The following CRYM variants were observed in gnomAD, a reference collection of about 807,000 sequenced individuals.
CRYM encodes the protein ketimine reductase mu-crystallin.
Under a neutral mutation model 32.9 loss-of-function variants are expected in CRYM, and 18 were observed. The ratio of observed to expected loss-of-function variants is 0.55; its 90% CI spans 0.38 to 0.81. The LOEUF (loss-of-function observed/expected upper bound fraction) is 0.81, where lower values mean the gene tolerates loss of function less well. Among genes scored for constraint, CRYM ranks in the 30% least tolerant of loss-of-function variants. The pLI is 0.00. For missense variants in CRYM, 337 were observed against 393.5 expected, an observed-to-expected ratio of 0.86 and a Z score of 1.21; for synonymous variants, 153 against 152.4, an observed-to-expected ratio of 1.00 and a Z score of -0.03.
intron 6 of CRYM, 89 bp from the exon 7 acceptor site, chr16:21,261,427 G>C (rs2093354214): frequency 3.8e-6 from 3 of 797,498 alleles, no homozygotes; most frequent in Non-Finnish European, 6.4e-6. Flanking sequence ...TTCCTGAATT[G>C]GATAAGAGAT....
chr16:21,291,311 C>T (rs1960649521), intron 1 of CRYM, among the ~76,000 whole-genome samples: 1 of 152,128 alleles, frequency 6.6e-6, no homozygotes, highest in Non-Finnish European at 1.5e-5. Flanking sequence ...GAAAAGTATT[C>T]CTAACTCCAT....
At chr16:21,261,505 G>A in intron 6 of CRYM, 167 bp from the exon 7 acceptor site, 1 of 641,140 alleles carries the variant, frequency 1.6e-6, no homozygotes, top group East Asian at 2.7e-5. Context: ...TAGGGAGGAG[G>A]CTGGCCCCGA....
intron 1 of CRYM, among the ~76,000 whole-genome samples, chr16:21,295,847 G>A (rs991581236): frequency 4.0e-5 from 6 of 151,832 alleles, no homozygotes; most frequent in East Asian, 1.9e-4. Flanking sequence ...GAGGAGAATC[G>A]CTTGAACCCA....
intron 7 of CRYM, 70 bp downstream of exon 7, chr16:21,261,184 T>C (rs2093353656): frequency 8.6e-7 from 1 of 1,164,058 alleles, no homozygotes. Flanking sequence ...GACTCATTGC[T>C]CTTTCCACCA....
chr16:21,279,000 G>A (rs928472842), upstream of CRYM: 2 of 152,180 alleles, frequency 1.3e-5, no homozygotes, highest in Admixed American at 6.5e-5. Context: ...ATGATGTAAA[G>A]CTTAAGGCAA....
chr16:21,285,105 T>C (rs1424988603), intron 1 of CRYM, among the ~76,000 whole-genome samples: 1 of 152,220 alleles, frequency 6.6e-6, no homozygotes, highest in Non-Finnish European at 1.5e-5. Flanking sequence ...TTGCCCATGT[T>C]TTATTTGGGT....
intron 5 of CRYM, among the ~76,000 whole-genome samples, chr16:21,262,622 A>C (rs540685851): frequency 5.3e-5 from 8 of 152,256 alleles, no homozygotes; most frequent in South Asian, 2.1e-4. Context: ...CCATCTCAAA[A>C]AAACAAACAA....
chr16:21,265,770 A>C (rs1339452511), intron 5 of CRYM, among the ~76,000 whole-genome samples: 2 of 152,240 alleles, frequency 1.3e-5, no homozygotes, highest in African/African-American at 2.4e-5. Context: ...CTTGTCACTA[A>C]AACACAGGGC....
At chr16:21,259,573 A>G (rs888364608) in intron 7 of CRYM, among the ~76,000 whole-genome samples, 2 of 152,158 alleles carry the variant, frequency 1.3e-5, no homozygotes, top group Non-Finnish European at 2.9e-5. Flanking sequence ...TATTGATGGG[A>G]CTGAAGCTTG....
intron 4 of CRYM, chr16:21,268,684 C>A (rs983270855): frequency 1.3e-5 from 2 of 152,030 alleles, no homozygotes; most frequent in South Asian, 2.1e-4. Flanking sequence ...AATTAGATAA[C>A]CTGAAAAGTG....
chr16:21,273,096 A>G (rs371302853), intron 3 of CRYM, among the ~76,000 whole-genome samples: 2 of 152,234 alleles, frequency 1.3e-5, no homozygotes, highest in East Asian at 3.9e-4. Flanking sequence ...GGACACTCAA[A>G]TATTTGTTGA....
At chr16:21,298,964 GTTTATTC>G (rs1198655279) in intron 1 of CRYM, among the ~76,000 whole-genome samples, 1 of 152,128 alleles carries the variant, frequency 6.6e-6, no homozygotes, top group Non-Finnish European at 1.5e-5. Context: ...AAATACAAAT[GTTTATTC>G]TAAATTAGGA....
upstream of CRYM, among the ~76,000 whole-genome samples, chr16:21,281,385 C>T (rs147495587): frequency 0.016 from 2,356 of 151,804 alleles, 88 homozygotes; most frequent in Admixed American, 0.068. Flanking sequence ...CCACCACCCC[C>T]GGCTAATTTT....
At chr16:21,267,780 G>A in intron 4 of CRYM, 43 bp from the exon 5 acceptor site, 3 of 1,608,460 alleles carry the variant, frequency 1.9e-6, no homozygotes, top group Non-Finnish European at 2.6e-6. Context: ...CCATTTTTTG[G>A]CTGCTTATGT....
intron 1 of CRYM, among the ~76,000 whole-genome samples, chr16:21,287,705 G>A (rs1394730650): frequency 6.6e-6 from 1 of 152,202 alleles, no homozygotes; most frequent in Non-Finnish European, 1.5e-5. Context: ...AGAGCTTCTG[G>A]GTTGGTGAAC....
At chr16:21,303,058 T>A (rs1960993383) in exon 1 of CRYM, 1 of 152,330 alleles carries the variant, frequency 6.6e-6, no homozygotes, top group Non-Finnish European at 1.5e-5. Flanking sequence ...CAAGAAAGCT[T>A]GTGCAGGGAA....
At chr16:21,261,116 A>G (rs2093353519) in intron 7 of CRYM, 138 bp downstream of exon 7, 4 of 759,132 alleles carry the variant, frequency 5.3e-6, no homozygotes, top group Non-Finnish European at 9.4e-6. Flanking sequence ...ACTAGGCTAA[A>G]CCATGTAAAT....
At chr16:21,288,891 G>C (rs1333129415) in intron 1 of CRYM, among the ~76,000 whole-genome samples, 1 of 152,002 alleles carries the variant, frequency 6.6e-6, no homozygotes, top group Non-Finnish European at 1.5e-5. Context: ...ACATATTTGT[G>C]TATTTTCAGA....
intron 1 of CRYM, among the ~76,000 whole-genome samples, chr16:21,302,509 A>G (rs984318285): frequency 6.6e-6 from 1 of 152,352 alleles, no homozygotes; most frequent in African/African-American, 2.4e-5. Flanking sequence ...TGTCCTAGGG[A>G]AGAGAGACCA....
Sources: gnomAD v4.1 joint callset for allele counts (sites outside exome capture counted in the v4.1 genomes callset) on GRCh38, gnomAD v4.1.1 for gene constraint, MANE v1.5 for transcripts, NCBI Gene and HGNC (gene_info 2026-07-23, HGNC 2026-07-21) for gene names.